Variants in QTMAN observed in about 807,000 individuals in gnomAD.
QTMAN encodes the protein tRNA-queuosine alpha-mannosyltransferase.
At chr2:144,022,721 G>C in the QTMAN span, among the ~76,000 whole-genome samples, 297 of 151,892 alleles carry the variant, frequency 2.0e-3, 1 homozygote, top group African/African-American at 7.0e-3. Context: ...ACGCCACTGC[G>C]TCCAGCTAAT....
chr2:144,332,948 C>G, the QTMAN span, among the ~76,000 whole-genome samples: 1 of 152,212 alleles, frequency 6.6e-6, no homozygotes, highest in African/African-American at 2.4e-5. Context: ...AGTTTTCCAG[C>G]CGGCCCGTTG....
chr2:143,941,092 T>C, the QTMAN span: 3 of 152,170 alleles, frequency 2.0e-5, no homozygotes, highest in African/African-American at 7.2e-5. Context: ...TGACTACTGC[T>C]CAACCACAGC....
chr2:144,218,939 C>CAAAAAAAAAAAAAAAAAAA, the QTMAN span, among the ~76,000 whole-genome samples: 2 of 104,238 alleles, frequency 1.9e-5, no homozygotes, highest in Non-Finnish European at 2.0e-5. Context: ...AAAAAAAAAG[C>CAAAAAAAAAAAAAAAAAAA]AAAATCCTAG....
the QTMAN span, among the ~76,000 whole-genome samples, chr2:143,949,879 C>T: frequency 6.6e-6 from 1 of 151,624 alleles, no homozygotes; most frequent in Non-Finnish European, 1.5e-5. Context: ...TAACAACACA[C>T]AAACTAAATC....
At chr2:144,190,048 A>G in the QTMAN span, among the ~76,000 whole-genome samples, 1 of 152,184 alleles carries the variant, frequency 6.6e-6, no homozygotes, top group Non-Finnish European at 1.5e-5. Context: ...CAGGGTGGTA[A>G]TGATATTACA....
At chr2:144,316,980 G>A in the QTMAN span, among the ~76,000 whole-genome samples, 1 of 152,166 alleles carries the variant, frequency 6.6e-6, no homozygotes, top group Non-Finnish European at 1.5e-5. Flanking sequence ...ATTTTGGAAA[G>A]ACAGAATTTA....
the QTMAN span, among the ~76,000 whole-genome samples, chr2:144,157,935 C>T: frequency 1.3e-5 from 2 of 151,876 alleles, no homozygotes; most frequent in African/African-American, 2.4e-5. Flanking sequence ...AAATGGCTGA[C>T]GTTCTATGAG....
chr2:144,159,309 A>C, the QTMAN span, among the ~76,000 whole-genome samples: 1 of 151,052 alleles, frequency 6.6e-6, no homozygotes, highest in African/African-American at 2.5e-5. Flanking sequence ...GTTATCAAGA[A>C]AAAAAATAGT....
chr2:144,082,259 GAAGACTTACA>G, the QTMAN span, among the ~76,000 whole-genome samples: 8 of 152,222 alleles, frequency 5.3e-5, no homozygotes, highest in East Asian at 1.5e-3. Context: ...CTTTATGGAA[GAAGACTTACA>G]AAGAAAAAAG....
the QTMAN span, among the ~76,000 whole-genome samples, chr2:144,086,496 T>C: frequency 2.0e-5 from 3 of 152,156 alleles, no homozygotes; most frequent in Non-Finnish European, 2.9e-5. Context: ...AGTATTGATA[T>C]TTCCATTTTA....
chr2:144,138,049 A>G, the QTMAN span, among the ~76,000 whole-genome samples: 1 of 151,836 alleles, frequency 6.6e-6, no homozygotes, highest in Non-Finnish European at 1.5e-5. Flanking sequence ...TCCTCCACCA[A>G]CCCCTTAAGT....
At chr2:144,145,586 G>A in the QTMAN span, 1 of 1,608,224 alleles carries the variant, frequency 6.2e-7, no homozygotes, top group Non-Finnish European at 8.5e-7. Flanking sequence ...AAAGAATTTG[G>A]TTGTATCCAT....
the QTMAN span, among the ~76,000 whole-genome samples, chr2:144,015,641 T>C: frequency 6.6e-6 from 1 of 152,340 alleles, no homozygotes; most frequent in Non-Finnish European, 1.5e-5. Flanking sequence ...ACAGAGGCAA[T>C]ACCTTAATTC....
the QTMAN span, among the ~76,000 whole-genome samples, chr2:144,058,777 T>C: frequency 6.6e-6 from 1 of 152,210 alleles, no homozygotes. Flanking sequence ...TCCTGTTGAA[T>C]GGTACCATCT....
the QTMAN span, among the ~76,000 whole-genome samples, chr2:144,204,276 C>A: frequency 6.6e-6 from 1 of 152,088 alleles, no homozygotes; most frequent in Non-Finnish European, 1.5e-5. Context: ...CCAGAATCTA[C>A]AATGAACTCA....
chr2:144,214,131 T>G, the QTMAN span, among the ~76,000 whole-genome samples: 1 of 152,136 alleles, frequency 6.6e-6, no homozygotes, highest in Non-Finnish European at 1.5e-5. Flanking sequence ...GTGATTCCCC[T>G]AACAGAATCT....
the QTMAN span, chr2:143,945,988 C>T: frequency 2.6e-5 from 4 of 152,194 alleles, no homozygotes; most frequent in African/African-American, 9.6e-5. Flanking sequence ...TAGATGTATA[C>T]ATCTATATGT....
At chr2:144,141,464 G>C in the QTMAN span, among the ~76,000 whole-genome samples, 1 of 150,604 alleles carries the variant, frequency 6.6e-6, no homozygotes, top group Non-Finnish European at 1.5e-5. Flanking sequence ...CATGAGAAAT[G>C]AACTAATCCA....
At chr2:143,950,020 T>C in the QTMAN span, among the ~76,000 whole-genome samples, 4 of 151,762 alleles carry the variant, frequency 2.6e-5, no homozygotes, top group Non-Finnish European at 4.4e-5. Context: ...TTTTAGACAA[T>C]ATCACTAAGC....
Sources: gnomAD v4.1 joint callset for allele counts (sites outside exome capture counted in the v4.1 genomes callset) on GRCh38, gnomAD v4.1.1 for gene constraint, MANE v1.5 for transcripts, NCBI Gene and HGNC (gene_info 2026-07-23, HGNC 2026-07-21) for gene names.